VAV2: variants seen among roughly 807,000 people sequenced by gnomAD.
The protein encoded by VAV2 is vav guanine nucleotide exchange factor 2, also known as guanine nucleotide exchange factor VAV2.
VAV2 carries 67 observed loss-of-function variants against 132.5 expected under a neutral mutation model. The ratio of observed to expected loss-of-function variants is 0.51; its 90% CI spans 0.42 to 0.62. The LOEUF is 0.62. Among genes scored for constraint, VAV2 ranks in the 20% least tolerant of loss-of-function variants. The pLI is 0.00. For synonymous variants in VAV2, 492 were observed against 443.5 expected (o/e 1.11, Z -1.37); for missense variants, 938 against 1,153.6 (o/e 0.81, Z 2.71).
intron 26 of VAV2, among the ~76,000 whole-genome samples, chr9:133,770,823 C>T (rs563307888): frequency 3.9e-5 from 6 of 152,292 alleles, no homozygotes; most frequent in Non-Finnish European, 8.8e-5. Flanking sequence ...CTAGAAATAA[C>T]AGGATCTCCA....
Position 133,961,716 on chromosome 9 carries a change from A to C in VAV2, c.205-22497T>G, listed in dbSNP as rs188009761. 9.2e-5 allele frequency among the ~76,000 whole-genome samples: 14 copies of C among 152,274 alleles called. No homozygotes were observed. In the East Asian group the frequency reaches 2.3e-3, roughly 25 times the overall value. On this transcript the variant is annotated intron_variant, in intron 1 of 29. Coordinates refer to ENST00000371850, the MANE Select transcript of VAV2 (RefSeq NM_001134398.2). The surrounding 1 kb of genome is among the most constrained non-coding windows in gnomAD (Gnocchi z 4.1). ...TAGCCGGTTTGCCTGCGAACTCCCA[A>C]GCCAGCTGCAGAAAAGACACAGGAC...
intron 4 of VAV2, among the ~76,000 whole-genome samples, chr9:133,817,107 A>G (rs1488820944): frequency 1.3e-5 from 2 of 152,234 alleles, no homozygotes; most frequent in Non-Finnish European, 2.9e-5. Flanking sequence ...ACATCTTCCA[A>G]TCCATAAACA....
intron 1 of VAV2, among the ~76,000 whole-genome samples, chr9:133,968,998 C>G (rs1430789279): frequency 1.3e-5 from 2 of 152,024 alleles, no homozygotes; most frequent in Non-Finnish European, 2.9e-5. Context: ...CTAAGAAAAA[C>G]CACTCTTTCC....
At chr9:133,923,719 T>C (rs1840374969) in intron 2 of VAV2, among the ~76,000 whole-genome samples, 1 of 152,132 alleles carries the variant, frequency 6.6e-6, no homozygotes, top group Non-Finnish European at 1.5e-5. Flanking sequence ...CTATTCACAA[T>C]AGCAAGGACT....
At chr9:133,941,946 A>C (rs1318670015) in intron 1 of VAV2, among the ~76,000 whole-genome samples, 1 of 152,118 alleles carries the variant, frequency 6.6e-6, no homozygotes, top group Non-Finnish European at 1.5e-5. Flanking sequence ...TCAGATCCAC[A>C]GAGAGAAAGG....
intron 19 of VAV2, among the ~76,000 whole-genome samples, 187 bp downstream of exon 19, chr9:133,783,316 G>A (rs1834077196): frequency 6.6e-6 from 1 of 152,156 alleles, no homozygotes; most frequent in Admixed American, 6.5e-5. Context: ...TCCCGGCTGT[G>A]TCTCCTGTTA....
intron 4 of VAV2, among the ~76,000 whole-genome samples, chr9:133,816,985 T>C (rs7047927): frequency 0.18 from 26,998 of 152,216 alleles, 2,599 homozygotes; most frequent in African/African-American, 0.24. Flanking sequence ...TGCATCTCCA[T>C]GTAAACTTTA....
chr9:133,890,814 G>A (rs754423466), intron 2 of VAV2, among the ~76,000 whole-genome samples: 48 of 152,162 alleles, frequency 3.2e-4, no homozygotes, highest in South Asian at 1.0e-3. Flanking sequence ...CGCTGGTGAC[G>A]GCAGAGTGAG....
intron 2 of VAV2, among the ~76,000 whole-genome samples, chr9:133,867,577 C>T (rs1837857390): frequency 1.3e-5 from 2 of 152,220 alleles, no homozygotes; most frequent in African/African-American, 2.4e-5. Flanking sequence ...GGGCCAGCCA[C>T]ACCCTCCTGG....
intron 19 of VAV2, among the ~76,000 whole-genome samples, chr9:133,780,943 C>T (rs1288312734): frequency 6.6e-6 from 1 of 152,170 alleles, no homozygotes; most frequent in Non-Finnish European, 1.5e-5. Context: ...TTTAGGGGGC[C>T]CATGGGAGAA....
intron 13 of VAV2, 56 bp from the exon 14 acceptor site, chr9:133,789,399 A>C: frequency 1.3e-6 from 2 of 1,562,300 alleles, no homozygotes; most frequent in African/African-American, 1.3e-5. Context: ...AGTTCTCCTG[A>C]CCGCACGGGC....
At chr9:133,778,426 GAC>G (rs1342899231) in intron 22 of VAV2, among the ~76,000 whole-genome samples, 1 of 152,224 alleles carries the variant, frequency 6.6e-6, no homozygotes, top group African/African-American at 2.4e-5. Flanking sequence ...GGGCCTATGA[GAC>G]ACAACAGAGG....
rs1838650311 is a variant in VAV2, at chr9:133,885,096, T to C, written c.322-23664A>G. Among the ~76,000 whole-genome samples, 1 of 152,240 alleles carries C rather than the reference T, an allele frequency of 6.6e-6. No individual in the cohort carries two copies. The highest frequency in any genetic ancestry group is 1.5e-5 in the Non-Finnish European group (1 of 68,038). ...TAAGTTGGGCCCTTCTGGAGGGTTC[T>C]CTCCAGAGGACTGGCAAGCACAGCC... On this transcript the variant is annotated intron_variant, in intron 2 of 29. Transcript: ENST00000371850. This position sits in a 1 kb window ranked among gnomAD's most constrained non-coding sequence, Gnocchi z 5.0.
chr9:133,909,246 C>G (rs1839790483), intron 2 of VAV2, among the ~76,000 whole-genome samples: 1 of 152,068 alleles, frequency 6.6e-6, no homozygotes, highest in Non-Finnish European at 1.5e-5. Context: ...GTCTCATTGC[C>G]TCCTCAGAAG....
intron 1 of VAV2, among the ~76,000 whole-genome samples, chr9:133,989,138 A>T (rs1842940401): frequency 1.3e-5 from 2 of 152,230 alleles, no homozygotes; most frequent in African/African-American, 4.8e-5. Context: ...CAGGAGTTCA[A>T]GACCAGCCTG....
intron 23 of VAV2, 143 bp from the exon 24 acceptor site, chr9:133,776,223 C>T: frequency 8.2e-7 from 1 of 1,218,122 alleles, no homozygotes; most frequent in Middle Eastern, 2.0e-4. Context: ...CCCAGCGCCC[C>T]TGGCCTGGGA....
rs1444634530 is a variant in VAV2 at position 133,933,476 on chromosome 9, G to T, written c.321+5627C>A. ...GAATGGATGGGTGGATGGATGAATG[G>T]ATGAGTGGATGGATGGATGGATGGA... On this transcript the variant is annotated intron_variant, in intron 2 of 29. Transcript: ENST00000371850. Among the ~76,000 whole-genome samples the T allele has an allele frequency of 9.9e-5, 6 of 60,610 alleles. No homozygotes were observed. In the East Asian group the frequency reaches 4.5e-3, roughly 45 times the overall value. The allele number at this position is 60,610 out of a possible 152,430, so 39.8% of individuals were successfully genotyped here.
intron 2 of VAV2, among the ~76,000 whole-genome samples, chr9:133,920,556 G>A (rs528202007): frequency 2.8e-4 from 42 of 152,262 alleles, no homozygotes; most frequent in African/African-American, 9.6e-4. Context: ...GAGGCCACAT[G>A]GAAAAGCGTC....
intron 1 of VAV2, among the ~76,000 whole-genome samples, chr9:133,949,176 C>A (rs929915422): frequency 6.6e-6 from 1 of 152,288 alleles, no homozygotes; most frequent in African/African-American, 2.4e-5. Context: ...TACACCACCT[C>A]GGCACTGGTA....
Sources: allele counts gnomAD v4.1 joint callset (sites outside exome capture counted in the v4.1 genomes callset), GRCh38; gene constraint gnomAD v4.1.1; non-coding constraint Gnocchi (gnomAD v3.1); transcripts MANE v1.5; gene names NCBI Gene and HGNC (gene_info 2026-07-23, HGNC 2026-07-21).